Variants in PPP2R5C observed in about 807,000 individuals in gnomAD.
PPP2R5C encodes protein phosphatase 2 regulatory subunit B'gamma, also known as serine/threonine-protein phosphatase 2A 56 kDa regulatory subunit gamma isoform.
In PPP2R5C, 7 loss-of-function variants were observed where a neutral mutation model predicts 68.9. The observed-to-expected ratio is 0.10, with a 90% CI of 0.06 to 0.19. PPP2R5C has a LOEUF of 0.19. PPP2R5C is among the 10% of genes least tolerant of loss of function. The pLI is 1.00. For synonymous variants in PPP2R5C, 210 were observed against 222.2 expected, an observed-to-expected ratio of 0.95 and a Z score of 0.49; for missense variants, 348 against 641.3, an observed-to-expected ratio of 0.54 and a Z score of 4.94.
At chr14:101,801,944 A>C (rs1289843210) in intron 3 of PPP2R5C, among the ~76,000 whole-genome samples, 1 of 152,242 alleles carries the variant, frequency 6.6e-6, no homozygotes, top group Non-Finnish European at 1.5e-5. Context: ...TAAAACTTAC[A>C]GCAAAGCTAC....
chr14:101,867,033 G>A (rs562079128), intron 2 of PPP2R5C, among the ~76,000 whole-genome samples: 5 of 152,212 alleles, frequency 3.3e-5, no homozygotes, highest in African/African-American at 7.2e-5. Flanking sequence ...CCTGGCCAAC[G>A]TGGTGGAACC....
chr14:101,844,141 T>TG, intron 1 of PPP2R5C: 1 of 147,128 alleles, frequency 6.8e-6, no homozygotes, highest in South Asian at 2.1e-4. Context: ...GTGTTTTTTT[T>TG]GTTTTTTTTT....
chr14:101,797,725 TTC>T lies in PPP2R5C; in HGVS notation c.259+11543_259+11544del. 6.2e-6 allele frequency: 1 copy of T among 160,780 alleles called. No individual in the cohort carries two copies. The highest frequency in any genetic ancestry group is 1.4e-5 in the Non-Finnish European group (1 of 73,168). 10.0% of individuals were successfully genotyped at this position (160,780 alleles called of 1,614,324 possible). The stretch of plus-strand genomic sequence containing the variant: ...CACTCCGATGTATGCATACTTTTAC[TTC>T]GCGTTGGTTCCCTACGTTCTTAGAA... On this transcript the variant is annotated intron_variant, in intron 3 of 14. Transcript: ENST00000328724. The surrounding 1 kb of genome is among the most constrained non-coding windows in gnomAD (Gnocchi z 4.2).
At chr14:101,847,554 T>C (rs905394592) in intron 1 of PPP2R5C, among the ~76,000 whole-genome samples, 1 of 152,218 alleles carries the variant, frequency 6.6e-6, no homozygotes, top group South Asian at 2.1e-4. Flanking sequence ...TACTGTCTTT[T>C]AATGTATCTA....
At chr14:101,816,862 A>G (rs2039705306) in intron 1 of PPP2R5C, among the ~76,000 whole-genome samples, 2 of 141,792 alleles carry the variant, frequency 1.4e-5, no homozygotes, top group Admixed American at 7.3e-5. Context: ...ATAAATATAT[A>G]TATTTATTTA....
intron 2 of PPP2R5C, among the ~76,000 whole-genome samples, chr14:101,872,108 T>C (rs1027376400): frequency 2.0e-5 from 3 of 151,090 alleles, no homozygotes; most frequent in Admixed American, 6.6e-5. Context: ...CCATCTGATA[T>C]CAATTACCTT....
intron 2 of PPP2R5C, among the ~76,000 whole-genome samples, chr14:101,881,656 G>T (rs1213555805): frequency 6.6e-6 from 1 of 152,210 alleles, no homozygotes; most frequent in Non-Finnish European, 1.5e-5. Context: ...GTCCCACTCT[G>T]ACTGTTGCTT....
chr14:101,871,393 A>G (rs3134684), intron 2 of PPP2R5C, among the ~76,000 whole-genome samples: 21,507 of 151,794 alleles, frequency 0.14, 1,818 homozygotes, highest in African/African-American at 0.22. Context: ...ACAGGCGCCC[A>G]CCACCACACC....
intron 1 of PPP2R5C, among the ~76,000 whole-genome samples, chr14:101,822,467 T>G (rs773396648): frequency 6.6e-6 from 1 of 152,234 alleles, no homozygotes; most frequent in Admixed American, 6.5e-5. Flanking sequence ...CTTTTTCTTT[T>G]TACACAGTCA....
In PPP2R5C at chr14:101,892,911, GGT is replaced by G. The variant is rs1279250673; in HGVS notation, c.690-87_690-86del. 3 of 998,122 alleles carry G rather than the reference GGT, an allele frequency of 3.0e-6. No individual in the cohort carries two copies. In the East Asian group the frequency reaches 7.6e-5, roughly 25 times the overall value. The allele number at this position is 998,122 out of a possible 1,614,324, so 61.8% of individuals were successfully genotyped here. ...TATATTTTGCCTGCTGGGTTTTGAT[GGT>G]GAAAACAAAAATTGAAAGACGGCAA... On this transcript the variant is annotated intron_variant, in intron 6 of 13. Coordinates refer to ENST00000334743, the Ensembl canonical transcript of PPP2R5C.
At chr14:101,886,230 G>A (rs1053864916) in intron 5 of PPP2R5C, among the ~76,000 whole-genome samples, 12 of 150,786 alleles carry the variant, frequency 8.0e-5, no homozygotes, top group African/African-American at 1.7e-4. Context: ...ACAGTGAGCC[G>A]AGATCGTGCC....
intron 3 of PPP2R5C, among the ~76,000 whole-genome samples, chr14:101,787,549 G>T (rs1222134128): frequency 6.6e-6 from 1 of 152,046 alleles, no homozygotes; most frequent in Non-Finnish European, 1.5e-5. Flanking sequence ...GGATCACGAG[G>T]TCAGGAGATC....
At chr14:101,824,389 A>G (rs1176235779) in intron 1 of PPP2R5C, 2 of 274,102 alleles carry the variant, frequency 7.3e-6, no homozygotes, top group Non-Finnish European at 1.4e-5. Flanking sequence ...GATGTGTACA[A>G]TTGAAGTGAT....
chr14:101,868,906 TTTTG>T (rs543692887), intron 2 of PPP2R5C, among the ~76,000 whole-genome samples: 4,612 of 152,020 alleles, frequency 0.03, 84 homozygotes, highest in Non-Finnish European at 0.038. Context: ...TTTCTTTTGG[TTTTG>T]TTTGTTTGTT....
chr14:101,923,055 T>G (rs2047099685), intron 13 of PPP2R5C, among the ~76,000 whole-genome samples: 2 of 152,190 alleles, frequency 1.3e-5, no homozygotes, highest in Admixed American at 1.3e-4. Context: ...TCTCCTGTGG[T>G]CCGCTCCGCC....
chr14:101,804,228 T>C (rs1047793616), intron 3 of PPP2R5C, among the ~76,000 whole-genome samples: 8 of 152,192 alleles, frequency 5.3e-5, no homozygotes, highest in African/African-American at 1.9e-4. Context: ...TAACTAATGC[T>C]GGAGAGGATG....
upstream of PPP2R5C, chr14:101,760,745 C>G: frequency 3.1e-6 from 1 of 320,476 alleles, no homozygotes; most frequent in Non-Finnish European, 3.6e-6. Context: ...AGGGGCTGGT[C>G]GAGGGGAGGG....
intron 1 of PPP2R5C, among the ~76,000 whole-genome samples, chr14:101,847,460 C>G (rs1165004789): frequency 2.0e-5 from 3 of 152,216 alleles, no homozygotes; most frequent in South Asian, 2.1e-4. Context: ...AGCTGTGGTT[C>G]CTGTTCTCCC....
intron 1 of PPP2R5C, among the ~76,000 whole-genome samples, chr14:101,830,869 G>C (rs917824508): frequency 2.6e-5 from 4 of 152,184 alleles, no homozygotes; most frequent in African/African-American, 7.2e-5. Context: ...AAATGGAAGT[G>C]TCACTAAGCG....
Sources: allele counts gnomAD v4.1 joint callset (sites outside exome capture counted in the v4.1 genomes callset), GRCh38; gene constraint gnomAD v4.1.1; non-coding constraint Gnocchi (gnomAD v3.1); transcripts MANE v1.5; gene names NCBI Gene and HGNC (gene_info 2026-07-23, HGNC 2026-07-21).